Variants in ARL8B observed in about 807,000 individuals in gnomAD.
ARL8B encodes the protein ARF like GTPase 8B.
Under a neutral mutation model 30.6 loss-of-function variants are expected in ARL8B, and 9 were observed. The ratio of observed to expected loss-of-function variants is 0.29; its 90% confidence interval spans 0.18 to 0.51. ARL8B has a LOEUF of 0.51. Among genes scored for constraint, ARL8B ranks in the 20% least tolerant of loss-of-function variants. The pLI, the probability that ARL8B is intolerant of heterozygous loss-of-function variation, is 0.97. For synonymous variants in ARL8B, 74 were observed against 76.0 expected, an observed-to-expected ratio of 0.97 and a Z score of 0.14; for missense variants, 130 against 227.2, an observed-to-expected ratio of 0.57 and a Z score of 2.75.
At chr3:5,171,032 A>G (rs1484941180) in intron 2 of ARL8B, 3 of 152,452 alleles carry the variant, frequency 2.0e-5, no homozygotes, top group African/African-American at 7.2e-5. Context: ...ACGCCTGGCC[A>G]AGAATAGATT....
intron 1 of ARL8B, among the ~76,000 whole-genome samples, chr3:5,133,425 G>A (rs1182943860): frequency 1.3e-5 from 2 of 152,176 alleles, no homozygotes; most frequent in Non-Finnish European, 2.9e-5. Context: ...CAGTTGGGGA[G>A]GAGGGGAAAG....
At chr3:5,175,102 T>C (rs1457554757) in intron 6 of ARL8B, among the ~76,000 whole-genome samples, 3 of 152,126 alleles carry the variant, frequency 2.0e-5, no homozygotes, top group Non-Finnish European at 2.9e-5. Context: ...CTATATGTTA[T>C]CAAACTCTTG....
chr3:5,143,541 T>C (rs1168795868), intron 1 of ARL8B, among the ~76,000 whole-genome samples: 2 of 152,204 alleles, frequency 1.3e-5, no homozygotes, highest in Non-Finnish European at 2.9e-5. Context: ...CCACTGGTCT[T>C]GTTCCTTCCC....
rs748882799 is a variant in ARL8B, at chr3:5,178,765, G to T, written c.*52G>T. ...TCTTGGCTATAATCCTAGAATTATTGTCCGTTCCTCTGAAGTAATTCCCAG... is the reference window on the plus strand; with the variant it reads ...TCTTGGCTATAATCCTAGAATTATTTTCCGTTCCTCTGAAGTAATTCCCAG... On this transcript the variant is annotated 3_prime_UTR_variant, in exon 7 of 7. Transcript: ENST00000256496. 12 of 1,608,712 alleles carry T rather than the reference G, an allele frequency of 7.5e-6. No individual in the cohort carries two copies. In the East Asian group the frequency reaches 2.7e-4, roughly 36 times the overall value.
At chr3:5,150,929 T>C (rs1265044691) in intron 1 of ARL8B, among the ~76,000 whole-genome samples, 1 of 152,052 alleles carries the variant, frequency 6.6e-6, no homozygotes, top group East Asian at 1.9e-4. Context: ...GTGTGTTTGG[T>C]AGTTTGTGAT....
intron 1 of ARL8B, among the ~76,000 whole-genome samples, chr3:5,155,851 T>TG (rs2054528381): frequency 7.5e-6 from 1 of 133,116 alleles, no homozygotes; most frequent in African/African-American, 3.4e-5. Context: ...GTGTTTTTTT[T>TG]TTGTTGTTGT....
chr3:5,175,694 G>A (rs527716415), intron 6 of ARL8B, among the ~76,000 whole-genome samples: 6 of 152,350 alleles, frequency 3.9e-5, no homozygotes, highest in African/African-American at 1.4e-4. Context: ...GCAGGGTCGT[G>A]TTCTCTCTGA....
chr3:5,178,117 C>G (rs114231363), intron 6 of ARL8B, among the ~76,000 whole-genome samples: 1,717 of 152,318 alleles, frequency 0.011, 38 homozygotes, highest in African/African-American at 0.039. Context: ...ATGGTGTGAA[C>G]CCTGCACCAG....
At chr3:5,124,882 C>G (rs568775426) in intron 1 of ARL8B, among the ~76,000 whole-genome samples, 1 of 152,172 alleles carries the variant, frequency 6.6e-6, no homozygotes, top group Non-Finnish European at 1.5e-5. Flanking sequence ...GTAAAACTTG[C>G]TCTTTGACAA....
chr3:5,166,827 A>G (rs2054628861), intron 1 of ARL8B, among the ~76,000 whole-genome samples: 1 of 152,200 alleles, frequency 6.6e-6, no homozygotes, highest in Non-Finnish European at 1.5e-5. Context: ...CACTGATAGA[A>G]CTTTCTAGGA....
chr3:5,167,097 CTT>C (rs1252740760), intron 1 of ARL8B, among the ~76,000 whole-genome samples: 2 of 152,146 alleles, frequency 1.3e-5, no homozygotes, highest in African/African-American at 2.4e-5. Flanking sequence ...GATTCCCTGA[CTT>C]TGAGAATAAT....
At chr3:5,123,239 C>T (rs1356436032) in intron 1 of ARL8B, among the ~76,000 whole-genome samples, 36 of 152,172 alleles carry the variant, frequency 2.4e-4, no homozygotes, top group Admixed American at 2.4e-3. Flanking sequence ...TCTTAAGCGA[C>T]TAGATAAGAT....
chr3:5,134,215 A>G (rs1366746597), intron 1 of ARL8B, among the ~76,000 whole-genome samples: 1 of 152,154 alleles, frequency 6.6e-6, no homozygotes, highest in African/African-American at 2.4e-5. Context: ...TACCCTGCTG[A>G]TGACTCGTTT....
In ARL8B at chr3:5,177,706, C is replaced by T. The variant is rs140489527; in HGVS notation, c.512-958C>T. 5.2e-3 allele frequency among the ~76,000 whole-genome samples: 794 copies of T among 152,240 alleles called. 10 individuals are homozygous for T. Among genetic ancestry groups the T allele is most frequent in the African/African-American group, 0.018 (735 of 41,550 alleles). ...GCTGACCTCAGGTGATCACCTGCCT[C>T]GGCCTCCCAAAGTGTGGGATTACAG... On this transcript the variant is annotated intron_variant, in intron 6 of 6. Coordinates refer to ENST00000256496, the MANE Select transcript of ARL8B (RefSeq NM_018184.3).
intron 1 of ARL8B, among the ~76,000 whole-genome samples, chr3:5,159,974 A>G (rs2054567465): frequency 1.3e-5 from 2 of 152,218 alleles, no homozygotes; most frequent in Admixed American, 6.5e-5. Flanking sequence ...AACCAGGACA[A>G]TAGTATCAAG....
Position 5,148,134 on chromosome 3 carries a change from A to G in ARL8B, c.124-22369A>G, listed in dbSNP as rs2054446351. 2.0e-5 allele frequency among the ~76,000 whole-genome samples: 3 copies of G among 151,998 alleles called. No individual in the cohort carries two copies. The South Asian group carries it at 6.2e-4, about 32-fold the overall frequency. ...TTCTTCTCCTGTGAATAGGCTATTC[A>G]TGATAGATATCATTTCAGCCCAGGT... On this transcript the variant is annotated intron_variant, in intron 1 of 6. Coordinates refer to ENST00000256496, the MANE Select transcript of ARL8B (RefSeq NM_018184.3).
chr3:5,160,879 A>G (rs2054574198), intron 1 of ARL8B, among the ~76,000 whole-genome samples: 1 of 152,248 alleles, frequency 6.6e-6, no homozygotes, highest in Non-Finnish European at 1.5e-5. Context: ...GGGATGTTAT[A>G]GATCCTGACA....
chr3:5,145,158 A>G (rs2054407612), intron 1 of ARL8B, among the ~76,000 whole-genome samples: 1 of 152,098 alleles, frequency 6.6e-6, no homozygotes, highest in Non-Finnish European at 1.5e-5. Context: ...GAGCTTCCCT[A>G]AGGTCAGGTT....
chr3:5,151,728 C>CA (rs1317888728), intron 1 of ARL8B, among the ~76,000 whole-genome samples: 2 of 128,492 alleles, frequency 1.6e-5, no homozygotes, highest in Admixed American at 7.7e-5. Context: ...CCCACCCCCC[C>CA]CCTTGGAGAT....
Sources: gnomAD v4.1 joint callset for allele counts (sites outside exome capture counted in the v4.1 genomes callset) on GRCh38, gnomAD v4.1.1 for gene constraint, MANE v1.5 for transcripts, NCBI Gene and HGNC (gene_info 2026-07-23, HGNC 2026-07-21) for gene names.